DEPTOR: variants seen among roughly 807,000 people sequenced by gnomAD.
DEPTOR encodes the protein DEP domain-containing mTOR-interacting protein.
Under a neutral mutation model 41.6 loss-of-function variants are expected in DEPTOR, and 41 were observed. The observed-to-expected ratio is 0.98, with a 90% CI of 0.77 to 1.28. The LOEUF is 1.28. DEPTOR is among the 50% of genes most tolerant of loss of function. The probability of loss-of-function intolerance (pLI) is 0.00; values close to 1 mark genes in which losing one functional copy is unlikely to be tolerated. For synonymous variants in DEPTOR, 195 were observed against 192.3 expected (o/e 1.01, Z -0.12); for missense variants, 514 against 527.9 (o/e 0.97, Z 0.26).
At chr8:119,899,204 T>C (rs1046820558) in intron 1 of DEPTOR, among the ~76,000 whole-genome samples, 2 of 152,228 alleles carry the variant, frequency 1.3e-5, no homozygotes, top group African/African-American at 2.4e-5. Context: ...TTTTTGTTAA[T>C]GTTATCAGAC....
rs749038366 is a variant in DEPTOR at position 120,001,539 on chromosome 8, C to T, written c.619C>T (p.Pro207Ser). The T allele has an allele frequency of 6.2e-7, 1 of 1,610,798 alleles. No individual in the cohort carries two copies. The highest frequency in any genetic ancestry group is 8.5e-7 in the Non-Finnish European group (1 of 1,178,362). The change falls in exon 5 of 9, where the codon CCA (proline) becomes TCA (serine). Residue 207 changes from proline to serine, a missense_variant. Physicochemically the swap from Pro to Ser is moderately conservative, Grantham distance 74. Coordinates refer to ENST00000286234, the MANE Select transcript of DEPTOR (RefSeq NM_022783.4). ...GIIQHVSNKH[P>S]FVDSNLLYQF... ...TTTCTCCCCAGTGTCCAACAAGCAC[C>T]CATTTGTGGACAGCAATCTTCTCTA... is the stretch of plus-strand genomic sequence containing the variant.
At chr8:120,039,271 T>C (rs979463742) in intron 8 of DEPTOR, among the ~76,000 whole-genome samples, 4 of 152,200 alleles carry the variant, frequency 2.6e-5, no homozygotes, top group Admixed American at 2.0e-4. Context: ...ACCTTGATCT[T>C]GGACTTAACC....
chr8:119,914,523 T>G (rs6999635), intron 1 of DEPTOR, among the ~76,000 whole-genome samples: 33,287 of 151,800 alleles, frequency 0.22, 4,203 homozygotes, highest in African/African-American at 0.34. Flanking sequence ...CACGGCAACC[T>G]CCGCCTCCCA....
chr8:120,010,855 CATTGTTTTT>C (rs1000031136), intron 8 of DEPTOR, among the ~76,000 whole-genome samples: 5 of 152,112 alleles, frequency 3.3e-5, no homozygotes, highest in African/African-American at 1.2e-4. Context: ...ATACTATTTA[CATTGTTTTT>C]ATTTAAGAGG....
At chr8:119,989,900 T>C (rs754671304) in intron 4 of DEPTOR, among the ~76,000 whole-genome samples, 2 of 152,202 alleles carry the variant, frequency 1.3e-5, no homozygotes, top group Non-Finnish European at 2.9e-5. Context: ...GATCGGGCCT[T>C]TGGGTTTAAT....
At chr8:119,997,343 T>C (rs1461320715) in intron 4 of DEPTOR, among the ~76,000 whole-genome samples, 1 of 152,162 alleles carries the variant, frequency 6.6e-6, no homozygotes, top group East Asian at 1.9e-4. Context: ...CAAGCGATCC[T>C]CCTGCCTCAG....
chr8:119,890,528 C>T (rs911071722), intron 1 of DEPTOR, among the ~76,000 whole-genome samples: 1 of 152,106 alleles, frequency 6.6e-6, no homozygotes, highest in Non-Finnish European at 1.5e-5. Context: ...GTCTTGATCT[C>T]CTGACTTCAG....
At chr8:119,980,533 T>G (rs1828753169) in intron 4 of DEPTOR, among the ~76,000 whole-genome samples, 1 of 124,510 alleles carries the variant, frequency 8.0e-6, no homozygotes, top group Admixed American at 7.9e-5. Flanking sequence ...GTTTTTTTTT[T>G]GGAGATGGAG....
At chr8:119,888,267 T>TCGTA (rs1195003539) in intron 1 of DEPTOR, among the ~76,000 whole-genome samples, 2 of 152,184 alleles carry the variant, frequency 1.3e-5, no homozygotes, top group Non-Finnish European at 2.9e-5. Context: ...GATGCCACAC[T>TCGTA]CGTAGGTAAC....
intron 3 of DEPTOR, among the ~76,000 whole-genome samples, chr8:119,952,526 T>C (rs1047834909): frequency 6.6e-6 from 1 of 152,184 alleles, no homozygotes; most frequent in Non-Finnish European, 1.5e-5. Flanking sequence ...GGTAATAGTG[T>C]GCCATGGTGG....
At chr8:119,892,522 G>A (rs1389963467) in intron 1 of DEPTOR, among the ~76,000 whole-genome samples, 1 of 152,160 alleles carries the variant, frequency 6.6e-6, no homozygotes, top group Admixed American at 6.5e-5. Flanking sequence ...TATGAAATGG[G>A]TAGCACGTGT....
intron 1 of DEPTOR, among the ~76,000 whole-genome samples, chr8:119,922,719 A>G (rs1343752561): frequency 6.6e-6 from 1 of 152,192 alleles, no homozygotes; most frequent in Non-Finnish European, 1.5e-5. Context: ...GATTATCTTC[A>G]TTTTACCAGT....
In DEPTOR at chr8:119,917,760, C is replaced by T. The variant is rs543170586; in HGVS notation, c.123-10640C>T. Among the ~76,000 whole-genome samples the T allele has an allele frequency of 5.3e-5, 8 of 152,302 alleles. No individual in the cohort carries two copies. In the South Asian group the frequency reaches 1.7e-3, roughly 32 times the overall value. On this transcript the variant is annotated intron_variant, in intron 1 of 8. Transcript: ENST00000286234. ...ATTAGTAAAAGAGGAAGGAACGCCTCTTTGCAGTTGAGACAGGAGGAAGGT... is the reference window on the plus strand; with the variant it reads ...ATTAGTAAAAGAGGAAGGAACGCCTTTTTGCAGTTGAGACAGGAGGAAGGT...
chr8:119,951,060 T>TATAC (rs1312187090), intron 3 of DEPTOR, among the ~76,000 whole-genome samples: 60 of 128,994 alleles, frequency 4.7e-4, no homozygotes, highest in African/African-American at 1.5e-3. Context: ...CTATCTAATA[T>TATAC]ACACACACAC....
intron 3 of DEPTOR, among the ~76,000 whole-genome samples, chr8:119,951,710 A>G (rs1216909696): frequency 1.3e-5 from 2 of 152,188 alleles, no homozygotes; most frequent in Non-Finnish European, 2.9e-5. Flanking sequence ...TGATTAGAAG[A>G]TATTTGTTGA....
intron 4 of DEPTOR, among the ~76,000 whole-genome samples, chr8:119,994,643 C>T (rs7836569): frequency 0.1 from 15,594 of 152,036 alleles, 1,044 homozygotes; most frequent in African/African-American, 0.18. Flanking sequence ...TTAGGCCAGG[C>T]GCAGTGGCTC....
At chr8:119,954,781 A>G (rs1381688277) in intron 3 of DEPTOR, among the ~76,000 whole-genome samples, 1 of 152,110 alleles carries the variant, frequency 6.6e-6, no homozygotes, top group African/African-American at 2.4e-5. Context: ...TAGATCCAGG[A>G]AAGGTGGAAA....
At chr8:120,017,807 G>T (rs1366168947) in intron 8 of DEPTOR, among the ~76,000 whole-genome samples, 1 of 152,180 alleles carries the variant, frequency 6.6e-6, no homozygotes, top group Non-Finnish European at 1.5e-5. Flanking sequence ...TAAATCCTGT[G>T]AGAGTGTTCA....
Position 120,018,314 on chromosome 8 carries a change from A to C in DEPTOR, c.1101+9181A>C, listed in dbSNP as rs533207905. 3.1e-3 allele frequency among the ~76,000 whole-genome samples: 478 copies of C among 152,338 alleles called. 1 individual carries two copies. The highest frequency in any genetic ancestry group is 5.9e-3 in the Non-Finnish European group (399 of 68,034). On this transcript the variant is annotated intron_variant, in intron 8 of 8. Coordinates refer to ENST00000286234, the MANE Select transcript of DEPTOR (RefSeq NM_022783.4). Reference sequence around the variant, plus strand: ...TAGTTATAACCGGGCGTGGTGGCTCATGCCTGTAATCCCAGCACTTTGGGA... The same window carrying C: ...TAGTTATAACCGGGCGTGGTGGCTCCTGCCTGTAATCCCAGCACTTTGGGA...
Sources: gnomAD v4.1 joint callset for allele counts (sites outside exome capture counted in the v4.1 genomes callset) on GRCh38, gnomAD v4.1.1 for gene constraint, MANE v1.5 for transcripts, NCBI Gene and HGNC (gene_info 2026-07-23, HGNC 2026-07-21) for gene names.